The following LRRIQ1 variants were observed in gnomAD, a reference collection of about 807,000 sequenced individuals.
LRRIQ1 encodes leucine rich repeats and IQ motif containing 1.
LRRIQ1 carries 210 observed loss-of-function variants against 211.9 expected under a neutral mutation model. That is an observed-to-expected ratio of 0.99 (90% CI 0.89 to 1.11). The LOEUF is 1.11. Among genes scored for constraint, LRRIQ1 ranks in the 50% most tolerant of loss-of-function variants. The pLI, the probability that LRRIQ1 is intolerant of heterozygous loss-of-function variation, is 0.00. For synonymous variants in LRRIQ1, 699 were observed against 650.1 expected (o/e 1.08, Z -1.14); for missense variants, 2,136 against 1,939.5 (o/e 1.10, Z -1.90).
rs370634801 is a variant in LRRIQ1 at position 85,056,751 on chromosome 12, G to A, written c.1958G>A (p.Ser653Asn). The A allele has an allele frequency of 6.2e-7, 1 of 1,605,202 alleles. No individual in the cohort carries two copies. The highest frequency in any genetic ancestry group is 2.2e-5 in the East Asian group (1 of 44,816). The change falls in exon 8 of 27, where the codon AGT (serine) becomes AAT (asparagine). Residue 653 changes from serine (S) to asparagine (N), a missense_variant. Transcript: ENST00000393217. ...EENPKDNAWN[S>N]GIVIFNTTDT... ...AACCCAAAAGACAATGCTTGGAATA[G>A]TGGCATTGTGATTTTTAACACAACT... is the stretch of plus-strand genomic sequence containing the variant.
chr12:85,199,605 A>G (rs1480930543), intron 24 of LRRIQ1, among the ~76,000 whole-genome samples: 1 of 152,192 alleles, frequency 6.6e-6, no homozygotes, highest in African/African-American at 2.4e-5. Flanking sequence ...AAAAGGTTGA[A>G]TTGACTCACA....
rs370233569 is a variant in LRRIQ1 at position 85,120,883 on chromosome 12, G to T, written c.3378-814G>T. On this transcript the variant is annotated intron_variant, in intron 15 of 26. Coordinates refer to ENST00000393217, the MANE Select transcript of LRRIQ1 (RefSeq NM_001079910.2). The stretch of plus-strand genomic sequence containing the variant: ...GTAGTTCTAAATGGCTGAGCTTGAT[G>T]GAAAGCTCTTGCTGTCTGACCTGGC... Among the ~76,000 whole-genome samples the T allele has an allele frequency of 1.2e-4, 19 of 152,312 alleles. No homozygotes were observed. In the East Asian group the frequency reaches 1.9e-3, roughly 15 times the overall value.
At chr12:85,126,611 T>C (rs1333603301) in intron 17 of LRRIQ1, among the ~76,000 whole-genome samples, 1 of 152,150 alleles carries the variant, frequency 6.6e-6, no homozygotes, top group Non-Finnish European at 1.5e-5. Context: ...TTTTTCAAAG[T>C]ACTGGAAATT....
Position 85,086,701 on chromosome 12 carries a change from C to G in LRRIQ1, c.2888-11654C>G, listed in dbSNP as rs1410055869. On this transcript the variant is annotated intron_variant, in intron 11 of 26. Transcript: ENST00000393217. ...AATAAATATCAAATTTGTGTAGATA[C>G]AGTTGATGAAACTGAGATTCAGGGA... 3.3e-5 allele frequency among the ~76,000 whole-genome samples: 5 copies of G among 150,524 alleles called. No homozygotes were observed. The East Asian group carries it at 9.9e-4, about 30-fold the overall frequency.
At chr12:85,065,570 G>C (rs1882345117) in intron 9 of LRRIQ1, among the ~76,000 whole-genome samples, 156 bp downstream of exon 9, 1 of 151,828 alleles carries the variant, frequency 6.6e-6, no homozygotes. Flanking sequence ...GTTTTGAGAA[G>C]CAGAGAGGGA....
chr12:85,057,260 A>G lies in LRRIQ1; in HGVS notation c.2391+76A>G, dbSNP rs865883751. On this transcript the variant is annotated intron_variant, in intron 8 of 26. Transcript: ENST00000393217. ...TAAAGTATAACTTTTCAGATCTTAG[A>G]AAAAGAAATATTTTGTATACAAGAA... 9 of 1,075,192 alleles carry G rather than the reference A, an allele frequency of 8.4e-6. 1 individual carries two copies. In the Middle Eastern group the frequency reaches 7.2e-4, roughly 85 times the overall value. 66.6% of individuals were successfully genotyped at this position (1,075,192 alleles called of 1,614,324 possible).
intron 10 of LRRIQ1, among the ~76,000 whole-genome samples, chr12:85,067,258 T>C (rs553845176): frequency 2.0e-4 from 30 of 152,000 alleles, no homozygotes; most frequent in Non-Finnish European, 3.5e-4. Context: ...TATTTGCTGG[T>C]AAACCTTTTT....
At chr12:85,062,061 C>T (rs777767853) in intron 8 of LRRIQ1, among the ~76,000 whole-genome samples, 1 of 151,570 alleles carries the variant, frequency 6.6e-6, no homozygotes, top group Non-Finnish European at 1.5e-5. Flanking sequence ...GGAAATGTTC[C>T]GTACAAAGAG....
At chr12:85,168,845 C>T (rs1891275878) in intron 24 of LRRIQ1, among the ~76,000 whole-genome samples, 1 of 152,126 alleles carries the variant, frequency 6.6e-6, no homozygotes, top group African/African-American at 2.4e-5. Flanking sequence ...TATGGTAAGA[C>T]CAGTGAATTC....
chr12:85,081,836 T>C (rs1295046371), intron 11 of LRRIQ1, among the ~76,000 whole-genome samples: 1 of 149,740 alleles, frequency 6.7e-6, no homozygotes, highest in African/African-American at 2.5e-5. Context: ...CTATTGTGCC[T>C]CAGCCTCCTG....
rs373356002 is a variant in LRRIQ1 at position 85,121,687 on chromosome 12, T to C, written c.3378-10T>C. 2 of 1,547,810 alleles carry C rather than the reference T, an allele frequency of 1.3e-6. No homozygotes were observed. The highest frequency in any genetic ancestry group is 1.3e-5 in the South Asian group (1 of 79,514). The stretch of plus-strand genomic sequence containing the variant: ...ATCAGGATTATTAACTTTTTTGTTG[T>C]TTTCAATAGGGATTCTCTACTTAAA... On this transcript the variant is annotated splice_polypyrimidine_tract_variant and intron_variant, in intron 15 of 26. Coordinates refer to ENST00000393217, the MANE Select transcript of LRRIQ1 (RefSeq NM_001079910.2).
intron 24 of LRRIQ1, among the ~76,000 whole-genome samples, chr12:85,183,486 A>T (rs1425009268): frequency 1.3e-5 from 2 of 152,072 alleles, no homozygotes; most frequent in Admixed American, 1.3e-4. Context: ...TTTGCCCCAA[A>T]TTCTCCTTGA....
chr12:85,095,801 T>C (rs1036073334), intron 11 of LRRIQ1, among the ~76,000 whole-genome samples: 1 of 152,074 alleles, frequency 6.6e-6, no homozygotes, highest in African/African-American at 2.4e-5. Flanking sequence ...GTTTTTCTTT[T>C]TTTTAAAATT....
At chr12:85,052,358 A>G in intron 7 of LRRIQ1, 107 bp downstream of exon 7, 1 of 533,734 alleles carries the variant, frequency 1.9e-6, no homozygotes, top group South Asian at 3.8e-5. Flanking sequence ...GTAGTATAAG[A>G]TTTTAGTTTA....
chr12:85,093,151 T>C (rs1223669487), intron 11 of LRRIQ1, among the ~76,000 whole-genome samples: 1 of 152,196 alleles, frequency 6.6e-6, no homozygotes, highest in Non-Finnish European at 1.5e-5. Flanking sequence ...TACACTTTTG[T>C]TGTCAACCAA....
At chr12:85,037,241 T>C (rs1361977638) in intron 1 of LRRIQ1, among the ~76,000 whole-genome samples, 1 of 152,142 alleles carries the variant, frequency 6.6e-6, no homozygotes, top group Non-Finnish European at 1.5e-5. Flanking sequence ...AATATGTAAT[T>C]GGACAGGGGT....
At chr12:85,161,725 G>T (rs369672847) in intron 24 of LRRIQ1, among the ~76,000 whole-genome samples, 31 of 152,118 alleles carry the variant, frequency 2.0e-4, no homozygotes, top group African/African-American at 7.0e-4. Context: ...AGAAGTCATG[G>T]AGTCTAGAAT....
chr12:85,124,407 A>G lies in LRRIQ1; in HGVS notation c.3895A>G (p.Arg1299Gly). The change falls in exon 17 of 27, where the codon AGA (arginine) becomes GGA (glycine). Residue 1299 changes from arginine (R) to glycine (G), a missense_variant. Arg to Gly is a moderately radical substitution (Grantham distance 125, BLOSUM62 -2). Coordinates refer to ENST00000393217, the MANE Select transcript of LRRIQ1 (RefSeq NM_001079910.2). Reference sequence around the variant, plus strand: ...TCAGGAAATATTAGTATGTCAGAAGAGAGAAGACAGCAAGGCAAGCAGTAT... The same window carrying G: ...TCAGGAAATATTAGTATGTCAGAAGGGAGAAGACAGCAAGGCAAGCAGTAT... ...RHQEILVCQK[R>G]EDSKASSIPT... 1.2e-6 allele frequency: 2 copies of G among 1,614,104 alleles called. No homozygotes were observed. Among genetic ancestry groups the G allele is most frequent in the South Asian group, 1.1e-5 (1 of 91,088 alleles).
At chr12:85,203,178 A>G (rs1221379996) in intron 24 of LRRIQ1, among the ~76,000 whole-genome samples, 1 of 152,126 alleles carries the variant, frequency 6.6e-6, no homozygotes, top group African/African-American at 2.4e-5. Context: ...TCGCTTTTGC[A>G]TCTTCCTCAT....
Sources: gnomAD v4.1 joint callset for allele counts (sites outside exome capture counted in the v4.1 genomes callset) on GRCh38, gnomAD v4.1.1 for gene constraint, MANE v1.5 for transcripts, NCBI Gene and HGNC (gene_info 2026-07-23, HGNC 2026-07-21) for gene names.